Variants in IP6K3 observed in about 807,000 individuals in gnomAD.
IP6K3 encodes inositol hexakisphosphate kinase 3.
A neutral mutation model predicts 28.8 loss-of-function variants in IP6K3; 20 were observed. The observed-to-expected ratio is 0.70, with a 90% CI of 0.49 to 1.01. IP6K3 has a LOEUF of 1.01. IP6K3 is among the 50% of genes least tolerant of loss of function. The pLI, the probability that IP6K3 is intolerant of heterozygous loss-of-function variation, is 0.00. For missense variants in IP6K3, 480 were observed against 537.1 expected (o/e 0.89, Z 1.05); for synonymous variants, 213 against 221.3 (o/e 0.96, Z 0.33).
In IP6K3 at chr6:33,735,447, C is replaced by T. The variant is rs1464112874; in HGVS notation, c.30G>A (p.Gly10=). MVVQNSADA[G]DMRAGVQLEP... Reference sequence around the variant, plus strand: ...CCAGCTGCACGCCTGCCCTCATGTCCCCGGCGTCTGCGCTGTTTTGCACAA... The same window carrying T: ...CCAGCTGCACGCCTGCCCTCATGTCTCCGGCGTCTGCGCTGTTTTGCACAA... Residue 10 remains glycine, a synonymous_variant, in exon 2 of 6, where the codon GGG becomes GGA. Transcript: ENST00000293756. 6.2e-7 allele frequency: 1 copy of T among 1,610,950 alleles called. No homozygotes were observed. The highest frequency in any genetic ancestry group is 1.7e-5 in the Admixed American group (1 of 59,888).
chr6:33,725,609 C>G lies in IP6K3; in HGVS notation c.597G>C (p.Leu199Phe). 1 of 1,613,762 alleles carries G rather than the reference C, an allele frequency of 6.2e-7. No individual in the cohort carries two copies. Among genetic ancestry groups the G allele is most frequent in the Non-Finnish European group, 8.5e-7 (1 of 1,179,718 alleles). Residue 199 changes from leucine to phenylalanine, a missense_variant, in exon 5 of 6, where the codon TTG becomes TTC. Physicochemically the swap from Leu to Phe is conservative, Grantham distance 22. Transcript: ENST00000293756. The part of the protein sequence containing the change: ...EYPENKRHRF[L>F]LLENVVSQYT... ...ACTGTGACACTACATTTTCCAGCAA[C>G]AAGAACCCTAGTCACACTAAGTTAA...
chr6:33,746,193 C>T lies in IP6K3; in HGVS notation c.-180+565G>A, dbSNP rs1319454363. Among the ~76,000 whole-genome samples the T allele has an allele frequency of 7.2e-5, 11 of 152,122 alleles. No individual in the cohort carries two copies. The highest frequency in any genetic ancestry group is 5.8e-4 in the East Asian group (3 of 5,176). On this transcript the variant is annotated intron_variant, in intron 1 of 5. Transcript: ENST00000293756. This position sits in a 1 kb window ranked among gnomAD's most constrained non-coding sequence, Gnocchi z 6.5. ...TCTCCCACCCCCATGACCGCCATCCCGTGGTCTACCACCACCCTGCACCAG... is the reference window on the plus strand; with the variant it reads ...TCTCCCACCCCCATGACCGCCATCCTGTGGTCTACCACCACCCTGCACCAG...
chr6:33,757,979 G>A, the IP6K3 span, among the ~76,000 whole-genome samples: 1 of 152,252 alleles, frequency 6.6e-6, no homozygotes, highest in South Asian at 2.1e-4. Context: ...CCACCAAAAT[G>A]AGGACAGAAG....
At position 33,722,829 on chromosome 6, in the gene IP6K3, T is replaced by C; in HGVS notation, c.1124A>G (p.Tyr375Cys). Residue 375 changes from tyrosine (Y) to cysteine (C), a missense_variant, in exon 6 of 6, where the codon TAC (tyrosine) becomes TGC (cysteine). Transcript: ENST00000293756. ...IRMIDFAHTT[Y>C]KGYWNEHTTY... The stretch of plus-strand genomic sequence containing the variant: ...GGTGTGCTCATTCCAGTAGCCCTTG[T>C]ATGTGGTATGAGCAAAGTCAATCAT... 1 of 1,614,108 alleles carries C rather than the reference T, an allele frequency of 6.2e-7. No homozygotes were observed. Among genetic ancestry groups the C allele is most frequent in the Middle Eastern group, 1.7e-4 (1 of 6,060 alleles).
the IP6K3 span, among the ~76,000 whole-genome samples, chr6:33,761,710 G>A: frequency 6.6e-6 from 1 of 152,250 alleles, no homozygotes; most frequent in Non-Finnish European, 1.5e-5. Context: ...CTCCAGGGCA[G>A]CCTTGTCTCA....
At position 33,735,431 on chromosome 6, in the gene IP6K3, C is replaced by A. The variant is rs140402994; in HGVS notation, c.46G>T (p.Val16Leu). 12 of 1,610,236 alleles carry A rather than the reference C, an allele frequency of 7.5e-6. No individual in the cohort carries two copies. The South Asian group carries it at 1.3e-4, about 18-fold the overall frequency. The part of the protein sequence containing the change: ...SADAGDMRAG[V>L]QLEPFLHQVG... Reference sequence around the variant, plus strand: ...TGGTGCAGGAAGGGCTCCAGCTGCACGCCTGCCCTCATGTCCCCGGCGTCT... The same window carrying A: ...TGGTGCAGGAAGGGCTCCAGCTGCAAGCCTGCCCTCATGTCCCCGGCGTCT... Residue 16 changes from valine to leucine, a missense_variant, in exon 2 of 6, where the codon GTG becomes TTG. Physicochemically the swap from Val to Leu is conservative, Grantham distance 32 (BLOSUM62 1). Transcript: ENST00000293756.
intron 5 of IP6K3, among the ~76,000 whole-genome samples, chr6:33,723,773 G>C (rs908983633): frequency 2.9e-4 from 44 of 152,356 alleles, no homozygotes; most frequent in African/African-American, 1.0e-3. Flanking sequence ...CAGTGCAGTT[G>C]AGGGGAGCCT....
chr6:33,748,165 C>T (rs1247163971), upstream of IP6K3, among the ~76,000 whole-genome samples: 4 of 152,140 alleles, frequency 2.6e-5, no homozygotes, highest in Non-Finnish European at 4.4e-5. Flanking sequence ...TTGCTCCACT[C>T]GGGCCCAGGT....
intron 5 of IP6K3, 108 bp downstream of exon 5, chr6:33,725,333 G>T: frequency 8.7e-7 from 1 of 1,154,288 alleles, no homozygotes; most frequent in South Asian, 1.7e-5. Context: ...GGCTCCTCCA[G>T]AGTGAAGGGC....
chr6:33,732,095 A>G (rs1232495998), intron 2 of IP6K3, among the ~76,000 whole-genome samples: 2 of 152,226 alleles, frequency 1.3e-5, no homozygotes, highest in Non-Finnish European at 2.9e-5. Context: ...TGTAATATGA[A>G]TCGGGTCAAT....
chr6:33,734,224 A>AAG (rs1353807268), intron 2 of IP6K3, among the ~76,000 whole-genome samples: 1 of 120,520 alleles, frequency 8.3e-6, no homozygotes, highest in African/African-American at 3.1e-5. Context: ...AAAAAAAAAA[A>AAG]AGAGAATTCC....
chr6:33,758,598 T>G, the IP6K3 span, among the ~76,000 whole-genome samples: 1 of 152,028 alleles, frequency 6.6e-6, no homozygotes, highest in African/African-American at 2.4e-5. Context: ...GTTTTTTTTG[T>G]TGTTGTTGTT....
At chr6:33,729,705 TTTC>T (rs1766250201) in intron 2 of IP6K3, among the ~76,000 whole-genome samples, 2 of 151,828 alleles carry the variant, frequency 1.3e-5, no homozygotes, top group South Asian at 4.1e-4. Flanking sequence ...CAGTTCCTTT[TTTC>T]TTTCTTTCTT....
At chr6:33,750,586 G>A (rs530414747), upstream of IP6K3, among the ~76,000 whole-genome samples, 17 of 152,280 alleles carry the variant, frequency 1.1e-4, no homozygotes, top group South Asian at 3.5e-3. The surrounding 1 kb of genome is among the most constrained non-coding windows in gnomAD (Gnocchi z 4.3). Flanking sequence ...CTCTTCCTTG[G>A]GGATGGTGAC....
rs1338992805 is a variant in IP6K3, at chr6:33,746,687, C to G, written c.-180+71G>C. The stretch of plus-strand genomic sequence containing the variant: ...AGACAGGCCCTGTGAACACGAGACC[C>G]TCTCTCCCCTCAGTCAGGCCCCGTC... On this transcript the variant is annotated intron_variant, in intron 1 of 5. Transcript: ENST00000293756. This position sits in a 1 kb window ranked among gnomAD's most constrained non-coding sequence, Gnocchi z 6.5. 1 of 152,318 alleles carries G rather than the reference C, an allele frequency of 6.6e-6. No individual in the cohort carries two copies. The highest frequency in any genetic ancestry group is 1.5e-5 in the Non-Finnish European group (1 of 68,112). 9.4% of individuals were successfully genotyped at this position (152,318 alleles called of 1,614,324 possible).
chr6:33,745,212 A>G (rs1766863203), intron 1 of IP6K3, among the ~76,000 whole-genome samples: 1 of 152,240 alleles, frequency 6.6e-6, no homozygotes, highest in African/African-American at 2.4e-5. Flanking sequence ...CAAGAGAGCA[A>G]CCATCCGGGT....
At chr6:33,737,016 C>A (rs1280265618) in intron 1 of IP6K3, among the ~76,000 whole-genome samples, 1 of 152,200 alleles carries the variant, frequency 6.6e-6, no homozygotes, top group East Asian at 1.9e-4. Context: ...GACAGGCAGG[C>A]CACTTTGCAA....
chr6:33,751,860 G>A (rs991214673), upstream of IP6K3, among the ~76,000 whole-genome samples: 2 of 152,208 alleles, frequency 1.3e-5, no homozygotes, highest in Non-Finnish European at 2.9e-5. The surrounding 1 kb of genome is among the most constrained non-coding windows in gnomAD (Gnocchi z 4.3). Flanking sequence ...CAAGCCCGGC[G>A]CCATGTTTGG....
chr6:33,739,499 G>A (rs1282060163), intron 1 of IP6K3, among the ~76,000 whole-genome samples: 6 of 152,172 alleles, frequency 3.9e-5, no homozygotes, highest in Admixed American at 3.9e-4. Context: ...GCCGCTGCTC[G>A]GGAAGGCAGT....
Sources: allele counts gnomAD v4.1 joint callset (sites outside exome capture counted in the v4.1 genomes callset), GRCh38; gene constraint gnomAD v4.1.1; non-coding constraint Gnocchi (gnomAD v3.1); transcripts MANE v1.5; gene names NCBI Gene and HGNC (gene_info 2026-07-23, HGNC 2026-07-21).